FIBP: variants seen among roughly 807,000 people sequenced by gnomAD.
The protein encoded by FIBP is acidic fibroblast growth factor intracellular-binding protein.
Under a neutral mutation model 40.5 loss-of-function variants are expected in FIBP, and 29 were observed. The observed-to-expected ratio is 0.72, with a 90% CI of 0.53 to 0.98. The LOEUF is 0.98. Among genes scored for constraint, FIBP ranks in the 50% least tolerant of loss-of-function variants. FIBP has a pLI of 0.00. For synonymous variants in FIBP, 215 were observed against 191.1 expected, an observed-to-expected ratio of 1.13 and a Z score of -1.03; for missense variants, 411 against 470.2, an observed-to-expected ratio of 0.87 and a Z score of 1.16.
At chr11:65,886,157 A>T (rs2134773906) in intron 4 of FIBP, 165 bp downstream of exon 4, 1 of 552,428 alleles carries the variant, frequency 1.8e-6, no homozygotes, top group East Asian at 2.9e-5. Context: ...CAAGAGTGAA[A>T]CTCCGTCTCA....
intron 4 of FIBP, chr11:65,886,062 C>T (rs1450902312): frequency 4.5e-5 from 21 of 468,638 alleles, no homozygotes; most frequent in East Asian, 3.8e-5. Flanking sequence ...CCCAGCTACT[C>T]GGGAGGCTGA....
At chr11:65,885,410 TG>T in intron 5 of FIBP, 119 bp downstream of exon 5, 3 of 1,254,742 alleles carry the variant, frequency 2.4e-6, no homozygotes, top group East Asian at 2.3e-5. Context: ...GGAGCCTGGG[TG>T]GGGGCCATGA....
In FIBP at chr11:65,888,378, AG is replaced by A; in HGVS notation, c.40del (p.Ile15SerfsTer15). On this transcript the variant is annotated frameshift_variant, in exon 1 of 10. Transcript: ENST00000357519. LOFTEE classifies it high-confidence loss of function. ...ELDIFVGNTT[L>X]IDEDVYRLWL... ...GAGGCGATACACGTCCTCGTCGATA[AG>A]GGTCGTGTTCCCCACGAAGATGTCC... 6.4e-7 allele frequency: 1 copy of A among 1,565,706 alleles called. No homozygotes were observed. Among genetic ancestry groups the A allele is most frequent in the Non-Finnish European group, 8.7e-7 (1 of 1,154,678 alleles).
intron 1 of FIBP, 35 bp from the exon 2 acceptor site, chr11:65,888,167 G>T (rs560814040): frequency 2.6e-6 from 4 of 1,531,422 alleles, no homozygotes; most frequent in Non-Finnish European, 3.5e-6. Context: ...GCCCCGCCCC[G>T]CCGACGCCAG....
At chr11:65,884,774 C>T in intron 7 of FIBP, 118 bp from the exon 8 acceptor site, 1 of 1,316,980 alleles carries the variant, frequency 7.6e-7, no homozygotes, top group Non-Finnish European at 1.1e-6. Context: ...CCTCCATCAA[C>T]CAAGTCCCCA....
chr11:65,886,469 T>C (rs1392249043), intron 3 of FIBP, 47 bp from the exon 4 acceptor site: 1 of 1,280,434 alleles, frequency 7.8e-7, no homozygotes, highest in South Asian at 1.2e-5. Context: ...GAGTGTACAC[T>C]GTGTCGCTCA....
chr11:65,888,214 ACCT>A, intron 1 of FIBP, 82 bp from the exon 2 acceptor site: 2 of 1,470,464 alleles, frequency 1.4e-6, no homozygotes, highest in Non-Finnish European at 1.8e-6. Context: ...CCCCTATAAC[ACCT>A]CTTATTCCCA....
Position 65,888,095 on chromosome 11 carries a change from G to A in FIBP, c.123C>T (p.Ile41=), listed in dbSNP as rs145310878. 1 of 1,598,326 alleles carries A rather than the reference G, an allele frequency of 6.3e-7. No individual in the cohort carries two copies. Among genetic ancestry groups the A allele is most frequent in the Non-Finnish European group, 8.5e-7 (1 of 1,175,006 alleles). ...DAVALRVRSG[I]LEQTGATAAV... ...CTGCCGTGGCGCCAGTCTGCTCCAG[G>A]ATTCCCGAGCGCACCCGCAGGGCCA... Residue 41 remains isoleucine (I), a synonymous_variant, in exon 2 of 10, where the codon ATC becomes ATT. Coordinates refer to ENST00000357519, the MANE Select transcript of FIBP (RefSeq NM_004214.5).
chr11:65,886,293 G>A, intron 4 of FIBP, 29 bp downstream of exon 4: 1 of 1,498,394 alleles, frequency 6.7e-7, no homozygotes, highest in Non-Finnish European at 9.3e-7. Context: ...GAAGTAGTGT[G>A]CGGGATGGGG....
At position 65,888,394 on chromosome 11, in the gene FIBP, C is replaced by T. The variant is rs1344227802; in HGVS notation, c.25G>A (p.Val9Met). 1 of 1,567,246 alleles carries T rather than the reference C, an allele frequency of 6.4e-7. No individual in the cohort carries two copies. The highest frequency in any genetic ancestry group is 1.4e-5 in the African/African-American group (1 of 73,884). MTSELDIF[V>M]GNTTLIDEDV... ...TCGTCGATAAGGGTCGTGTTCCCCA[C>T]GAAGATGTCCAGCTCACTGGTCATG... Residue 9 changes from valine to methionine, a missense_variant, in exon 1 of 10, where the codon GTG becomes ATG. By Grantham distance (21) the Val-to-Met change is conservative. Coordinates refer to ENST00000357519, the MANE Select transcript of FIBP (RefSeq NM_004214.5).
Position 65,885,174 on chromosome 11 carries a change from T to A in FIBP, c.659A>T (p.Asp220Val). Residue 220 changes from aspartate (D) to valine (V), a missense_variant, in exon 6 of 10, where the codon GAT becomes GTT. Coordinates refer to ENST00000357519, the MANE Select transcript of FIBP (RefSeq NM_004214.5). The part of the protein sequence containing the change: ...WTLGAVDSQM[D>V]DMDMDLDKEF... Reference sequence around the variant, plus strand: ...CTTGTCTAAGTCCATGTCCATGTCATCCATCTGTGAGTCTGTGAGGCCATG... The same window carrying A: ...CTTGTCTAAGTCCATGTCCATGTCAACCATCTGTGAGTCTGTGAGGCCATG... The A allele has an allele frequency of 7.1e-7, 1 of 1,413,058 alleles. No homozygotes were observed. The highest frequency in any genetic ancestry group is 9.6e-7 in the Non-Finnish European group (1 of 1,046,772). The allele number at this position is 1,413,058 out of a possible 1,614,324, so 87.5% of individuals were successfully genotyped here.
chr11:65,887,379 G>A (rs1473212154), intron 3 of FIBP: 2 of 566,450 alleles, frequency 3.5e-6, no homozygotes, highest in African/African-American at 1.9e-5. Flanking sequence ...CCAGGAGGCG[G>A]AGGTTGCAGT....
Position 65,887,449 on chromosome 11 carries a change from A to G in FIBP, c.411+151T>C. The G allele has an allele frequency of 3.0e-5, 21 of 697,322 alleles. No individual in the cohort carries two copies. The East Asian group carries it at 6.5e-4, about 21-fold the overall frequency. 43.2% of individuals were successfully genotyped at this position (697,322 alleles called of 1,614,324 possible). On this transcript the variant is annotated intron_variant, in intron 3 of 9. Transcript: ENST00000357519. ...CCACAGAGCAAGACTCCATCTCGAA[A>G]AAAAAAAAAAAAAAGGAGGGGAAAG...
chr11:65,883,918 G>T lies in FIBP; in HGVS notation c.*56C>A. ...CACTTGCTCCCCGGAGCGAGGACCA[G>T]TCTCCAAACTCAGAGCAACTTTATT... On this transcript the variant is annotated 3_prime_UTR_variant, in exon 10 of 10. Transcript: ENST00000357519. 1.3e-6 allele frequency: 2 copies of T among 1,514,000 alleles called. No homozygotes were observed. Among genetic ancestry groups the T allele is most frequent in the Non-Finnish European group, 9.1e-7 (1 of 1,094,280 alleles). 93.8% of individuals were successfully genotyped at this position (1,514,000 alleles called of 1,614,324 possible).
intron 3 of FIBP, 38 bp from the exon 4 acceptor site, chr11:65,886,460 A>G: frequency 7.3e-7 from 1 of 1,370,654 alleles, no homozygotes; most frequent in South Asian, 1.2e-5. Context: ...GACTGGTCAG[A>G]GTGTACACTG....
intron 6 of FIBP, 38 bp from the exon 7 acceptor site, chr11:65,885,036 C>T (rs1425773113): frequency 1.2e-6 from 2 of 1,613,734 alleles, no homozygotes; most frequent in Non-Finnish European, 1.7e-6. Context: ...GCCACCTGGG[C>T]CCCTACTGCA....
rs1378899850 is a variant in FIBP, at chr11:65,883,764, T to C, written c.*210A>G. On this transcript the variant is annotated 3_prime_UTR_variant, in exon 10 of 10. Transcript: ENST00000357519. ...CTGGCTTGTGAGCAGACTCTTCTGG[T>C]GGATGGGCTGAGCACAGACACCATT... 2 of 790,726 alleles carry C rather than the reference T, an allele frequency of 2.5e-6. No individual in the cohort carries two copies. The highest frequency in any genetic ancestry group is 4.1e-6 in the Non-Finnish European group (2 of 484,486). 49.0% of individuals were successfully genotyped at this position (790,726 alleles called of 1,614,324 possible). A position where few individuals can be genotyped will look rare whatever the true frequency, so the allele number is the denominator to read the frequency against.
In FIBP at chr11:65,885,202, GGGGGT is replaced by G; in HGVS notation, c.647-21_647-17del. 1 of 1,405,566 alleles carries G rather than the reference GGGGGT, an allele frequency of 7.1e-7. No individual in the cohort carries two copies. The highest frequency in any genetic ancestry group is 1.0e-6 in the Non-Finnish European group (1 of 990,238). 87.1% of individuals were successfully genotyped at this position (1,405,566 alleles called of 1,614,324 possible). A position where few individuals can be genotyped will look rare whatever the true frequency, so the allele number is the denominator to read the frequency against. On this transcript the variant is annotated splice_polypyrimidine_tract_variant and intron_variant, in intron 5 of 9. Transcript: ENST00000357519. ...ATCTGTGAGTCTGTGAGGCCATGAA[GGGGGT>G]GGGGGTGGGTGATAAAAACCCCTCC...
rs1860156672 is a variant in FIBP at position 65,883,910 on chromosome 11, G to A, written c.*64C>T. The A allele has an allele frequency of 6.9e-6, 10 of 1,454,490 alleles. No individual in the cohort carries two copies. Among genetic ancestry groups the A allele is most frequent in the Admixed American group, 1.8e-5 (1 of 56,316 alleles). 90.1% of individuals were successfully genotyped at this position (1,454,490 alleles called of 1,614,324 possible). ...ACGCCCCCCACTTGCTCCCCGGAGC[G>A]AGGACCAGTCTCCAAACTCAGAGCA... On this transcript the variant is annotated 3_prime_UTR_variant, in exon 10 of 10. Coordinates refer to ENST00000357519, the MANE Select transcript of FIBP (RefSeq NM_004214.5).
Sources: allele counts gnomAD v4.1 joint callset, GRCh38; gene constraint gnomAD v4.1.1; transcripts MANE v1.5; gene names NCBI Gene and HGNC (gene_info 2026-07-23, HGNC 2026-07-21).